Variants in GADL1 observed in about 807,000 individuals in gnomAD.
GADL1 encodes acidic amino acid decarboxylase GADL1.
In GADL1, 71 loss-of-function variants were observed where a neutral mutation model predicts 69.5. The observed-to-expected ratio is 1.02, with a 90% CI of 0.84 to 1.25. The LOEUF is 1.25. GADL1 is among the 50% of genes most tolerant of loss of function. The pLI, the probability that GADL1 is intolerant of heterozygous loss-of-function variation, is 0.00. For missense variants in GADL1, 737 were observed against 631.8 expected, an observed-to-expected ratio of 1.17 and a Z score of -1.79; for synonymous variants, 254 against 214.4, an observed-to-expected ratio of 1.18 and a Z score of -1.62.
chr3:30,761,525 A>G (rs1186707392), intron 14 of GADL1, among the ~76,000 whole-genome samples: 1 of 152,162 alleles, frequency 6.6e-6, no homozygotes, highest in East Asian at 1.9e-4. Flanking sequence ...TACTAGCCAA[A>G]TTTTTAGTGC....
rs139126057 is a variant in GADL1 at position 30,893,442 on chromosome 3, C to T, written c.37+1136G>A. Among the ~76,000 whole-genome samples, 4 of 152,104 alleles carry T rather than the reference C, an allele frequency of 2.6e-5. No homozygotes were observed. In the East Asian group the frequency reaches 7.7e-4, roughly 29 times the overall value. On this transcript the variant is annotated intron_variant, in intron 1 of 14. Transcript: ENST00000282538. ...TTTTTGAAATATACATTATCATTAA[C>T]TATATTCACCCTACTGTGCAATACA...
intron 4 of GADL1, among the ~76,000 whole-genome samples, chr3:30,851,422 C>G (rs1413946001): frequency 2.0e-5 from 3 of 152,204 alleles, no homozygotes; most frequent in Non-Finnish European, 2.9e-5. Flanking sequence ...GCTTCCTCTA[C>G]TACACTCTCT....
chr3:30,839,408 A>G (rs1271670696), intron 8 of GADL1, among the ~76,000 whole-genome samples: 1 of 151,820 alleles, frequency 6.6e-6, no homozygotes, highest in East Asian at 1.9e-4. Flanking sequence ...TCCAGATAGA[A>G]ATTTAATAAC....
chr3:30,788,616 T>C (rs367769730), intron 12 of GADL1, among the ~76,000 whole-genome samples: 2 of 152,344 alleles, frequency 1.3e-5, no homozygotes, highest in South Asian at 2.1e-4. Context: ...TTCTCTGTAG[T>C]AGGCAATGCT....
At chr3:30,764,769 C>T (rs568780717) in intron 14 of GADL1, among the ~76,000 whole-genome samples, 30 of 152,288 alleles carry the variant, frequency 2.0e-4, no homozygotes, top group Admixed American at 1.8e-3. Context: ...CGGTATACTT[C>T]AGTGTCGGCT....
At chr3:30,765,185 TCTTC>T (rs947048654) in intron 14 of GADL1, among the ~76,000 whole-genome samples, 6 of 152,158 alleles carry the variant, frequency 3.9e-5, no homozygotes, top group African/African-American at 1.4e-4. Context: ...CCCTAACATG[TCTTC>T]CTTAAGCTGT....
Position 30,800,847 on chromosome 3 carries a change from AC to A in GADL1, c.1250+41del, listed in dbSNP as rs752817619. On this transcript the variant is annotated intron_variant, in intron 12 of 14. Transcript: ENST00000282538. ...CACACACACACACACACACACACAC[AC>A]ACAGAAAGAGAGAGAGAGAGAGAGA... is the stretch of plus-strand genomic sequence containing the variant. 2.0e-4 allele frequency: 259 copies of A among 1,269,692 alleles called. 1 individual carries two copies. In the African/African-American group the frequency reaches 4.7e-3, roughly 23 times the overall value. The allele number at this position is 1,269,692 out of a possible 1,614,324, so 78.7% of individuals were successfully genotyped here.
intron 1 of GADL1, among the ~76,000 whole-genome samples, chr3:30,876,586 TAG>T (rs1698579139): frequency 6.6e-6 from 1 of 151,778 alleles, no homozygotes; most frequent in Non-Finnish European, 1.5e-5. Context: ...AGAAACGGAG[TAG>T]AGTGTTTCTT....
intron 14 of GADL1, among the ~76,000 whole-genome samples, chr3:30,734,920 C>T (rs1366089903): frequency 6.6e-6 from 1 of 152,116 alleles, no homozygotes; most frequent in East Asian, 1.9e-4. Context: ...TACTTTAGCA[C>T]CTTCATGTTT....
At chr3:30,850,975 A>T in intron 4 of GADL1, 34 bp from the exon 5 acceptor site, 1 of 1,242,750 alleles carries the variant, frequency 8.0e-7, no homozygotes. Context: ...CACTTCTATG[A>T]CTAGAGTCAA....
At chr3:30,775,193 C>T (rs1313197403) in intron 14 of GADL1, among the ~76,000 whole-genome samples, 2 of 152,190 alleles carry the variant, frequency 1.3e-5, no homozygotes, top group Non-Finnish European at 1.5e-5. Flanking sequence ...CGCTCATACC[C>T]TTCAACTCTC....
chr3:30,769,386 GCACA>G (rs142076789), intron 14 of GADL1, among the ~76,000 whole-genome samples: 1 of 151,492 alleles, frequency 6.6e-6, no homozygotes, highest in African/African-American at 2.4e-5. Flanking sequence ...ATGCACACAC[GCACA>G]CACACACACC....
rs758065323 is a variant in GADL1 at position 30,833,877 on chromosome 3, A to G, written c.1026T>C (p.Cys342=). 9.3e-6 allele frequency: 15 copies of G among 1,612,744 alleles called. No homozygotes were observed. In the South Asian group the frequency reaches 1.6e-4, roughly 18 times the overall value. ...CAGATTTGTCTTTCACAAGGAGAGC[A>G]CAGCACTGGATCCCAGCCATCAGCA... ...HKMLMAGIQC[C]ALLVKDKSDL... Residue 342 remains cysteine, a synonymous_variant, in exon 11 of 15, where the codon TGT becomes TGC. Transcript: ENST00000282538.
Position 30,778,177 on chromosome 3 carries a change from AC to A in GADL1, c.1392+1del, listed in dbSNP as rs766498275. The A allele has an allele frequency of 1.9e-6, 3 of 1,548,484 alleles. No homozygotes were observed. Among genetic ancestry groups the A allele is most frequent in the Non-Finnish European group, 2.7e-6 (3 of 1,122,540 alleles). On this transcript the variant is annotated splice_donor_variant, in intron 14 of 14. Coordinates refer to ENST00000282538, the MANE Select transcript of GADL1 (RefSeq NM_207359.3). LOFTEE classifies it high-confidence loss of function. ...GAAAAATACCATTTACTTATTACTT[AC>A]CAAATTAAGTTTTGCCCAGAACTCG...
intron 11 of GADL1, among the ~76,000 whole-genome samples, chr3:30,813,432 T>G (rs1451230947): frequency 6.6e-6 from 1 of 152,084 alleles, no homozygotes; most frequent in Non-Finnish European, 1.5e-5. Flanking sequence ...ACAGAGTGAG[T>G]GTTCTGCTTT....
intron 11 of GADL1, among the ~76,000 whole-genome samples, chr3:30,820,486 A>G (rs557486319): frequency 1.3e-5 from 2 of 152,312 alleles, no homozygotes; most frequent in East Asian, 3.9e-4. Context: ...CTCAGAACCA[A>G]TTAGCAATCT....
At chr3:30,848,696 C>T (rs1385130525) in intron 6 of GADL1, among the ~76,000 whole-genome samples, 2 of 152,120 alleles carry the variant, frequency 1.3e-5, no homozygotes, top group African/African-American at 2.4e-5. Context: ...GCACTTAAGC[C>T]GTGCCATCTA....
intron 11 of GADL1, among the ~76,000 whole-genome samples, chr3:30,831,196 G>A (rs188946872): frequency 2.2e-4 from 33 of 151,848 alleles, no homozygotes; most frequent in Admixed American, 1.6e-3. Context: ...CATCACAATG[G>A]TCTCTAAGAC....
At chr3:30,806,045 C>T (rs747381129) in intron 11 of GADL1, among the ~76,000 whole-genome samples, 10 of 151,908 alleles carry the variant, frequency 6.6e-5, no homozygotes, top group East Asian at 1.9e-4. Flanking sequence ...GGCCATGAAC[C>T]GGTACAGGTC....
Sources: allele counts gnomAD v4.1 joint callset (sites outside exome capture counted in the v4.1 genomes callset), GRCh38; gene constraint gnomAD v4.1.1; transcripts MANE v1.5; gene names NCBI Gene and HGNC (gene_info 2026-07-23, HGNC 2026-07-21).